The following LRRC40 variants were observed in gnomAD, a reference collection of about 807,000 sequenced individuals.
LRRC40 encodes leucine-rich repeat-containing protein 40.
Under a neutral mutation model 72.8 loss-of-function variants are expected in LRRC40, and 76 were observed. The observed-to-expected ratio is 1.04, with a 90% CI of 0.87 to 1.26. The LOEUF (loss-of-function observed/expected upper bound fraction) is 1.26. Among genes scored for constraint, LRRC40 ranks in the 50% most tolerant of loss-of-function variants. LRRC40 has a pLI of 0.00. For synonymous variants in LRRC40, 243 were observed against 254.2 expected (o/e 0.96, Z 0.42); for missense variants, 684 against 698.9 (o/e 0.98, Z 0.24).
intron 11 of LRRC40, among the ~76,000 whole-genome samples, chr1:70,154,445 C>T (rs1222239404): frequency 6.6e-6 from 1 of 152,048 alleles, no homozygotes; most frequent in Non-Finnish European, 1.5e-5. Flanking sequence ...TGATCCAGGA[C>T]CCCCCGCCCA....
At chr1:70,204,816 G>T (rs771620621) in intron 1 of LRRC40, among the ~76,000 whole-genome samples, 17 of 151,486 alleles carry the variant, frequency 1.1e-4, no homozygotes, top group Non-Finnish European at 1.9e-4. Context: ...TGTGCTTCTT[G>T]GTCTTTAACA....
At position 70,144,863 on chromosome 1, in the gene LRRC40, A is replaced by C. The variant is rs527271908; in HGVS notation, c.*937T>G. ...CATGTAGTATTTATCTTTATTAGCAATTTTTTTCATAATATAAGCATGCCT... is the reference window on the plus strand; with the variant it reads ...CATGTAGTATTTATCTTTATTAGCACTTTTTTTCATAATATAAGCATGCCT... On this transcript the variant is annotated 3_prime_UTR_variant, in exon 15 of 15. Transcript: ENST00000370952. 11 of 152,200 alleles carry C rather than the reference A, an allele frequency of 7.2e-5. No homozygotes were observed. In the South Asian group the frequency reaches 1.9e-3, roughly 26 times the overall value. The allele number at this position is 152,200 out of a possible 1,614,324, so 9.4% of individuals were successfully genotyped here. A position where few individuals can be genotyped will look rare whatever the true frequency, so the allele number is the denominator to read the frequency against.
At chr1:70,173,350 C>A in intron 9 of LRRC40, 115 bp downstream of exon 9, 1 of 704,912 alleles carries the variant, frequency 1.4e-6, no homozygotes, top group East Asian at 2.6e-5. Context: ...GCCACACATG[C>A]CAGGATCTAT....
At chr1:70,166,355 CAAAT>C (rs1443784914) in intron 9 of LRRC40, among the ~76,000 whole-genome samples, 1 of 151,956 alleles carries the variant, frequency 6.6e-6, no homozygotes, top group Non-Finnish European at 1.5e-5. Context: ...AGCAGAGCAA[CAAAT>C]AAATAATAAA....
intron 13 of LRRC40, among the ~76,000 whole-genome samples, 155 bp downstream of exon 13, chr1:70,150,973 A>T (rs1456653245): frequency 6.6e-6 from 1 of 152,246 alleles, no homozygotes; most frequent in African/African-American, 2.4e-5. Flanking sequence ...TAAGAAAATA[A>T]TATTTTTAAC....
In LRRC40 at chr1:70,180,301, G is replaced by A. The variant is rs552551522; in HGVS notation, c.661+785C>T. 6 of 152,228 alleles carry A rather than the reference G, an allele frequency of 3.9e-5. No individual in the cohort carries two copies. In the East Asian group the frequency reaches 1.2e-3, roughly 29 times the overall value. 9.4% of individuals were successfully genotyped at this position (152,228 alleles called of 1,614,324 possible). On this transcript the variant is annotated intron_variant, in intron 5 of 14. Coordinates refer to ENST00000370952, the MANE Select transcript of LRRC40 (RefSeq NM_017768.5). ...ACCTGGTGGTCCCCCACTATGGGAG[G>A]TCACCATGATGCTGCTGAACTTATG... is the stretch of plus-strand genomic sequence containing the variant.
chr1:70,154,763 T>C (rs993678218), intron 11 of LRRC40, among the ~76,000 whole-genome samples: 1 of 152,136 alleles, frequency 6.6e-6, no homozygotes, highest in Non-Finnish European at 1.5e-5. Context: ...CCTTTTTTTT[T>C]CCTCTTAAGT....
intron 1 of LRRC40, among the ~76,000 whole-genome samples, chr1:70,200,286 CA>C (rs1232234643): frequency 6.6e-6 from 1 of 152,036 alleles, no homozygotes; most frequent in Non-Finnish European, 1.5e-5. Flanking sequence ...GGCAATATAG[CA>C]AGACCCCATC....
chr1:70,174,165 A>G (rs1399642010), intron 7 of LRRC40, among the ~76,000 whole-genome samples: 1 of 152,048 alleles, frequency 6.6e-6, no homozygotes, highest in Non-Finnish European at 1.5e-5. Context: ...AGTCATCTTC[A>G]TCTCTGGCAC....
chr1:70,182,795 T>C (rs1300883331), intron 4 of LRRC40, among the ~76,000 whole-genome samples: 1 of 152,116 alleles, frequency 6.6e-6, no homozygotes, highest in East Asian at 1.9e-4. Flanking sequence ...TTATAGGTGT[T>C]TAATCTGTTT....
At chr1:70,173,808 G>C in intron 7 of LRRC40, 99 bp from the exon 8 acceptor site, 1 of 572,642 alleles carries the variant, frequency 1.7e-6, no homozygotes. Context: ...ACATATCACA[G>C]AATAGTCTCA....
chr1:70,172,820 T>C (rs1464935144), intron 9 of LRRC40, among the ~76,000 whole-genome samples: 12 of 152,106 alleles, frequency 7.9e-5, no homozygotes, highest in Admixed American at 7.9e-4. Flanking sequence ...GTGAGGTAAA[T>C]TAACAGCTAC....
Position 70,187,160 on chromosome 1 carries a change from TTC to T in LRRC40, c.407+103_407+104del, listed in dbSNP as rs1239967112. 5 of 615,652 alleles carry T rather than the reference TTC, an allele frequency of 8.1e-6. No individual in the cohort carries two copies. The East Asian group carries it at 1.6e-4, about 19-fold the overall frequency. 38.1% of individuals were successfully genotyped at this position (615,652 alleles called of 1,614,324 possible). ...AAATTCTTATTCTGCTTTAACTACT[TTC>T]TGAGATAATTCAAAGATATTTTTAA... On this transcript the variant is annotated intron_variant, in intron 3 of 14. Coordinates refer to ENST00000370952, the MANE Select transcript of LRRC40 (RefSeq NM_017768.5).
At chr1:70,191,019 G>A (rs1185896906) in intron 1 of LRRC40, among the ~76,000 whole-genome samples, 1 of 151,582 alleles carries the variant, frequency 6.6e-6, no homozygotes, top group African/African-American at 2.4e-5. Flanking sequence ...GTAGGAAAGA[G>A]AAAAGGAGAT....
At chr1:70,165,726 C>T (rs1277216581) in intron 9 of LRRC40, among the ~76,000 whole-genome samples, 1 of 151,972 alleles carries the variant, frequency 6.6e-6, no homozygotes, top group Non-Finnish European at 1.5e-5. Context: ...TCAAAGAGCT[C>T]CAGAAAATTT....
chr1:70,173,622 A>C lies in LRRC40; in HGVS notation c.1065T>G (p.Ser355Arg), dbSNP rs1206581707. The C allele has an allele frequency of 1.9e-6, 3 of 1,551,042 alleles. No individual in the cohort carries two copies. Among genetic ancestry groups the C allele is most frequent in the Non-Finnish European group, 2.6e-6 (3 of 1,134,076 alleles). ...AGAGCTGAATTCCAAATATACTTAC[A>C]CTTATAATTTCTCTTCGAATTGTTC... ...PLRTIRREII[S>R]KGTQEVLKYL... The change falls in exon 8 of 15, where the codon AGT (serine) becomes AGG (arginine). Residue 355 changes from serine (S) to arginine (R), a missense_variant and splice_region_variant. Physicochemically the swap from Ser to Arg is moderately radical, Grantham distance 110. Transcript: ENST00000370952.
At chr1:70,194,482 T>C (rs1668566464) in intron 1 of LRRC40, among the ~76,000 whole-genome samples, 1 of 152,112 alleles carries the variant, frequency 6.6e-6, no homozygotes, top group African/African-American at 2.4e-5. Flanking sequence ...GAAGACTCCA[T>C]ATTACAAAGA....
In LRRC40 at chr1:70,174,936, C is replaced by T. The variant is rs550168142; in HGVS notation, c.977+874G>A. Among the ~76,000 whole-genome samples the T allele has an allele frequency of 2.5e-4, 38 of 151,996 alleles. No individual in the cohort carries two copies. The South Asian group carries it at 7.3e-3, about 29-fold the overall frequency. ...TTATTGTATATAAGTTACATATTAA[C>T]AAATGAATATGATATAAAAAGCATA... On this transcript the variant is annotated intron_variant, in intron 7 of 14. Coordinates refer to ENST00000370952, the MANE Select transcript of LRRC40 (RefSeq NM_017768.5).
At position 70,159,857 on chromosome 1, in the gene LRRC40, G is replaced by A. The variant is rs1044743528; in HGVS notation, c.1112-419C>T. On this transcript the variant is annotated intron_variant, in intron 9 of 14. Transcript: ENST00000370952. ...TAAGCATATGCTTTTTAATTTAGGA[G>A]ACAACAAAATTGATTATCCTCAATC... 3.9e-5 allele frequency among the ~76,000 whole-genome samples: 6 copies of A among 152,132 alleles called. No homozygotes were observed. In the South Asian group the frequency reaches 1.2e-3, roughly 31 times the overall value.
Sources: allele counts gnomAD v4.1 joint callset (sites outside exome capture counted in the v4.1 genomes callset), GRCh38; gene constraint gnomAD v4.1.1; transcripts MANE v1.5; gene names NCBI Gene and HGNC (gene_info 2026-07-23, HGNC 2026-07-21).